Variants in WDR11 observed in about 807,000 individuals in gnomAD.
The protein encoded by WDR11 is WD repeat-containing protein 11.
A neutral mutation model predicts 151.2 loss-of-function variants in WDR11; 83 were observed. The observed-to-expected ratio is 0.55, with a 90% CI of 0.46 to 0.66. The LOEUF (loss-of-function observed/expected upper bound fraction) is 0.66, where lower values mean the gene tolerates loss of function less well. WDR11 is among the 30% of genes least tolerant of loss of function. The pLI, the probability that WDR11 is intolerant of heterozygous loss-of-function variation, is 0.00. For synonymous variants in WDR11, 484 were observed against 533.1 expected, an observed-to-expected ratio of 0.91 and a Z score of 1.27; for missense variants, 1,301 against 1,480.9, an observed-to-expected ratio of 0.88 and a Z score of 1.99.
chr10:120,870,858 T>A (rs1202537189), intron 9 of WDR11, among the ~76,000 whole-genome samples: 1 of 152,192 alleles, frequency 6.6e-6, no homozygotes, highest in Non-Finnish European at 1.5e-5. Context: ...TCTTGCTTTG[T>A]TCTGAAGCCT....
intron 19 of WDR11, among the ~76,000 whole-genome samples, chr10:120,892,678 C>T (rs1049575578): frequency 6.6e-6 from 1 of 152,166 alleles, no homozygotes; most frequent in Non-Finnish European, 1.5e-5. Context: ...AAGTAGAGAA[C>T]GTAAAATATT....
chr10:120,889,856 C>G, intron 17 of WDR11, 39 bp from the exon 18 acceptor site: 3 of 1,387,986 alleles, frequency 2.2e-6, no homozygotes, highest in Non-Finnish European at 1.0e-6. Flanking sequence ...CCAGATCTCA[C>G]TCTACATTGT....
chr10:120,908,508 G>A (rs2133823145), intron 28 of WDR11, 48 bp from the exon 29 acceptor site: 2 of 1,603,576 alleles, frequency 1.2e-6, no homozygotes, highest in South Asian at 2.2e-5. Context: ...CCTGTGAAGA[G>A]TCTCATCACA....
At chr10:120,904,260 C>T (rs1847949555) in intron 24 of WDR11, 118 bp downstream of exon 24, 3 of 802,730 alleles carry the variant, frequency 3.7e-6, no homozygotes, top group South Asian at 1.5e-5. Flanking sequence ...GTACCTCCTT[C>T]CCTGTAGACA....
At chr10:120,872,792 A>G (rs1224509916) in intron 10 of WDR11, among the ~76,000 whole-genome samples, 1 of 152,164 alleles carries the variant, frequency 6.6e-6, no homozygotes. Flanking sequence ...ATTATTATGA[A>G]ATAGATGATA....
chr10:120,864,826 G>A (rs944238825), intron 5 of WDR11, among the ~76,000 whole-genome samples: 1 of 152,020 alleles, frequency 6.6e-6, no homozygotes, highest in Non-Finnish European at 1.5e-5. Context: ...CAAAAACTTA[G>A]AAACACTGAC....
At chr10:120,874,054 G>A in intron 11 of WDR11, 131 bp downstream of exon 11, 6 of 673,834 alleles carry the variant, frequency 8.9e-6, no homozygotes, top group Non-Finnish European at 1.6e-5. Flanking sequence ...TAATATTCAT[G>A]TCCAACTAAT....
intron 24 of WDR11, 74 bp from the exon 25 acceptor site, chr10:120,904,572 C>G (rs1847960803): frequency 1.3e-6 from 2 of 1,575,778 alleles, no homozygotes; most frequent in Non-Finnish European, 1.7e-6. Flanking sequence ...CTTTAGTTTT[C>G]TACCTTATGA....
At chr10:120,880,791 A>G (rs754264840) in intron 12 of WDR11, 35 bp from the exon 13 acceptor site, 2 of 1,554,842 alleles carry the variant, frequency 1.3e-6, no homozygotes, top group Non-Finnish European at 1.8e-6. Context: ...TGTTTTATGC[A>G]CTGTTCTCAC....
At chr10:120,861,145 G>A (rs1846122504) in intron 4 of WDR11, among the ~76,000 whole-genome samples, 1 of 152,202 alleles carries the variant, frequency 6.6e-6, no homozygotes, top group Non-Finnish European at 1.5e-5. Context: ...TGTGAAGGAG[G>A]TAAGGGAATT....
At chr10:120,874,176 G>GGTTT (rs777721880) in intron 11 of WDR11, among the ~76,000 whole-genome samples, 4 of 83,490 alleles carry the variant, frequency 4.8e-5, no homozygotes, top group Non-Finnish European at 9.5e-5. Context: ...GGTTTTTGCA[G>GGTTT]TTTTTTTTTT....
Position 120,865,082 on chromosome 10 carries a change from T to G in WDR11, c.749T>G (p.Leu250Trp). Reference protein sequence around the residue: ...EFITLNDCLQLAYLPSKRNHM... With the variant: ...EFITLNDCLQWAYLPSKRNHM... ...ATAACTCTCAATGATTGCCTTCAGTTGGCATACCTGCCTTCAAAAAGGAAT... is the reference window on the plus strand; with the variant it reads ...ATAACTCTCAATGATTGCCTTCAGTGGGCATACCTGCCTTCAAAAAGGAAT... The change falls in exon 6 of 29, where the codon TTG becomes TGG. Residue 250 changes from leucine to tryptophan, a missense_variant. Coordinates refer to ENST00000263461, the MANE Select transcript of WDR11 (RefSeq NM_018117.12). 1 of 1,613,978 alleles carries G rather than the reference T, an allele frequency of 6.2e-7. No homozygotes were observed. Among genetic ancestry groups the G allele is most frequent in the Non-Finnish European group, 8.5e-7 (1 of 1,179,874 alleles).
chr10:120,875,978 C>CTTTTTTTTTTTTTT (rs67775105), intron 11 of WDR11, among the ~76,000 whole-genome samples: 3 of 122,810 alleles, frequency 2.4e-5, no homozygotes, highest in African/African-American at 9.3e-5. Flanking sequence ...CCTTTTTTTT[C>CTTTTTTTTTTTTTT]TTTTTTTTTT....
intron 28 of WDR11, chr10:120,908,285 T>G: frequency 2.2e-5 from 10 of 461,090 alleles, no homozygotes; most frequent in East Asian, 4.4e-5. Context: ...TATGGGAGGA[T>G]GTTGGTTGGG....
intron 23 of WDR11, 148 bp downstream of exon 23, chr10:120,903,380 C>T (rs758308270): frequency 9.0e-5 from 89 of 991,180 alleles, no homozygotes; most frequent in Middle Eastern, 6.1e-4. Flanking sequence ...TGTGGTGGCA[C>T]GTGCCTGTAG....
At chr10:120,878,480 A>G (rs1259449313) in intron 12 of WDR11, 21 bp downstream of exon 12, 1 of 1,579,008 alleles carries the variant, frequency 6.3e-7, no homozygotes, top group Admixed American at 1.7e-5. Flanking sequence ...AAAGATCCAA[A>G]TAGGTTTGTC....
At chr10:120,861,913 A>G (rs1272072403) in intron 4 of WDR11, among the ~76,000 whole-genome samples, 1 of 152,182 alleles carries the variant, frequency 6.6e-6, no homozygotes, top group African/African-American at 2.4e-5. Flanking sequence ...TTTTCTAAAT[A>G]TTAAGGGAAA....
At chr10:120,900,909 T>C (rs1847789704) in intron 20 of WDR11, 127 bp from the exon 21 acceptor site, 1 of 708,636 alleles carries the variant, frequency 1.4e-6, no homozygotes, top group African/African-American at 1.8e-5. Context: ...TTTTGGTCTA[T>C]AACCAGGTTT....
At chr10:120,879,715 ACAGGACATGGG>A (rs1345246781) in intron 12 of WDR11, 44 of 152,188 alleles carry the variant, frequency 2.9e-4, no homozygotes, top group African/African-American at 1.0e-3. Context: ...TGCAGTCAGG[ACAGGACATGGG>A]CTGTTTGGGG....
Sources: allele counts gnomAD v4.1 joint callset (sites outside exome capture counted in the v4.1 genomes callset), GRCh38; gene constraint gnomAD v4.1.1; transcripts MANE v1.5; gene names NCBI Gene and HGNC (gene_info 2026-07-23, HGNC 2026-07-21).